The following RBPJ variants were observed in gnomAD, a reference collection of about 807,000 sequenced individuals.
RBPJ encodes the protein recombining binding protein suppressor of hairless.
RBPJ carries 9 observed loss-of-function variants against 67.8 expected under a neutral mutation model. That is an observed-to-expected ratio of 0.13 (90% confidence interval 0.08 to 0.23). The LOEUF (loss-of-function observed/expected upper bound fraction) is 0.23. Ranked by LOEUF, RBPJ falls within the 10% of genes least tolerant of loss-of-function variation. The pLI is 1.00. For missense variants in RBPJ, 305 were observed against 595.6 expected (o/e 0.51, Z 5.08); for synonymous variants, 198 against 203.3 (o/e 0.97, Z 0.22).
intron 1 of RBPJ, among the ~76,000 whole-genome samples, chr4:26,198,761 A>G (rs1294500381): frequency 6.6e-6 from 1 of 152,178 alleles, no homozygotes; most frequent in Non-Finnish European, 1.5e-5. Context: ...TAACCATAAT[A>G]CCATCTTGTC....
chr4:26,300,462 T>C (rs1722039168), intron 1 of RBPJ, among the ~76,000 whole-genome samples: 1 of 152,184 alleles, frequency 6.6e-6, no homozygotes. Flanking sequence ...AAATTGTAAA[T>C]GTTGTTGTAT....
chr4:26,375,288 CA>C (rs561305108), intron 1 of RBPJ, among the ~76,000 whole-genome samples: 1,828 of 102,816 alleles, frequency 0.018, 15 homozygotes, highest in Admixed American at 0.022. Context: ...GACCCTGTCT[CA>C]AAAAAAAAAA....
intron 1 of RBPJ, among the ~76,000 whole-genome samples, chr4:26,228,486 C>T (rs1328752861): frequency 1.3e-5 from 2 of 152,124 alleles, no homozygotes; most frequent in Admixed American, 6.5e-5. Flanking sequence ...TGATTTATAC[C>T]ACTCTCAGTT....
At chr4:26,409,064 T>C (rs1733762574) in intron 3 of RBPJ, among the ~76,000 whole-genome samples, 2 of 152,244 alleles carry the variant, frequency 1.3e-5, no homozygotes, top group Non-Finnish European at 1.5e-5. Flanking sequence ...AGATGCATTT[T>C]AGTACAATTG....
chr4:26,190,783 G>A (rs1459092769), intron 1 of RBPJ, among the ~76,000 whole-genome samples: 1 of 152,088 alleles, frequency 6.6e-6, no homozygotes, highest in Non-Finnish European at 1.5e-5. Flanking sequence ...CTGTTGCACT[G>A]AGAAATGATG....
chr4:26,405,406 G>T (rs913889704), intron 2 of RBPJ, among the ~76,000 whole-genome samples: 4 of 152,188 alleles, frequency 2.6e-5, no homozygotes, highest in African/African-American at 9.7e-5. Flanking sequence ...TTTCATCTGT[G>T]TAGAGCTTGC....
the RBPJ span, among the ~76,000 whole-genome samples, chr4:26,129,468 A>C: frequency 5.3e-5 from 8 of 152,214 alleles, no homozygotes; most frequent in African/African-American, 1.9e-4. Context: ...AAGAGCTCTG[A>C]GCTGCAAGTC....
At chr4:26,164,305 A>G (rs1716179137) in intron 1 of RBPJ, among the ~76,000 whole-genome samples, 1 of 152,252 alleles carries the variant, frequency 6.6e-6, no homozygotes, top group African/African-American at 2.4e-5. Context: ...TTACATATAC[A>G]TTACAATAGT....
the RBPJ span, among the ~76,000 whole-genome samples, chr4:26,116,424 T>G: frequency 6.6e-6 from 1 of 152,236 alleles, no homozygotes; most frequent in Admixed American, 6.5e-5. Flanking sequence ...GAGGGCAGCA[T>G]GTTCACACAC....
At chr4:26,275,777 T>C (rs1242867044) in intron 1 of RBPJ, among the ~76,000 whole-genome samples, 2 of 151,956 alleles carry the variant, frequency 1.3e-5, no homozygotes, top group East Asian at 3.9e-4. Flanking sequence ...ACTACAGGCG[T>C]GCACCACCAC....
At chr4:26,320,585 C>G (rs918399638), upstream of RBPJ, 34 of 688,172 alleles carry the variant, frequency 4.9e-5, no homozygotes, top group African/African-American at 5.8e-4. Context: ...GGTGTTTCAT[C>G]TAGGCCTGTG....
At position 26,283,310 on chromosome 4, in the gene RBPJ, C is replaced by T. The variant is rs373657238; in HGVS notation, c.-166-79136C>T. 3.2e-4 allele frequency among the ~76,000 whole-genome samples: 48 copies of T among 151,684 alleles called. No homozygotes were observed. The East Asian group carries it at 9.0e-3, about 28-fold the overall frequency. On this transcript the variant is annotated intron_variant, in intron 1 of 4. Coordinates refer to the RBPJ transcript ENST00000512351. ...CTGTAATCCCAGCACTTTGGGAGGC[C>T]GAGGTGGGTGGATCACCTGAGGTCA... is the stretch of plus-strand genomic sequence containing the variant.
At chr4:26,349,472 T>G (rs1726575590) in intron 1 of RBPJ, among the ~76,000 whole-genome samples, 1 of 152,150 alleles carries the variant, frequency 6.6e-6, no homozygotes. Flanking sequence ...TGCGATAGAG[T>G]CATTCAAAGG....
At chr4:26,148,775 C>G in the RBPJ span, among the ~76,000 whole-genome samples, 1 of 152,158 alleles carries the variant, frequency 6.6e-6, no homozygotes, top group South Asian at 2.1e-4. Flanking sequence ...TAGGGATAAA[C>G]CATCTTCCAG....
intron 1 of RBPJ, among the ~76,000 whole-genome samples, chr4:26,381,736 G>A (rs1730352809): frequency 1.3e-5 from 2 of 152,112 alleles, no homozygotes. Flanking sequence ...AGAGCAAGAA[G>A]GAAAGGGCAT....
At chr4:26,202,974 G>GAAAT (rs1417246517) in intron 1 of RBPJ, among the ~76,000 whole-genome samples, 1 of 11,552 alleles carries the variant, frequency 8.7e-5, no homozygotes, top group South Asian at 2.4e-3. Flanking sequence ...AGGAAATAAG[G>GAAAT]AAGGAAGGAA....
At chr4:26,401,206 C>T (rs1303746991) in intron 2 of RBPJ, among the ~76,000 whole-genome samples, 1 of 152,210 alleles carries the variant, frequency 6.6e-6, no homozygotes, top group Admixed American at 6.5e-5. Flanking sequence ...GGCATTACTG[C>T]CTTTATCTTA....
chr4:26,410,661 A>G (rs1733926532), intron 3 of RBPJ, among the ~76,000 whole-genome samples: 2 of 152,230 alleles, frequency 1.3e-5, no homozygotes, highest in East Asian at 1.9e-4. Flanking sequence ...ATAATCATCA[A>G]AGGTTAGTGA....
intron 1 of RBPJ, among the ~76,000 whole-genome samples, chr4:26,273,702 C>T (rs1452904386): frequency 1.3e-5 from 2 of 152,212 alleles, no homozygotes; most frequent in Non-Finnish European, 2.9e-5. Context: ...AACTGCCTCC[C>T]TCCCCTCCTC....
Sources: allele counts gnomAD v4.1 joint callset (sites outside exome capture counted in the v4.1 genomes callset), GRCh38; gene constraint gnomAD v4.1.1; transcripts MANE v1.5; gene names NCBI Gene and HGNC (gene_info 2026-07-23, HGNC 2026-07-21).